Variants in TRIM33 observed in about 807,000 individuals in gnomAD.
TRIM33 encodes E3 ubiquitin-protein ligase TRIM33.
A neutral mutation model predicts 125.4 loss-of-function variants in TRIM33; 20 were observed. That is an observed-to-expected ratio of 0.16 (90% CI 0.11 to 0.23). The LOEUF (loss-of-function observed/expected upper bound fraction) is 0.23, where lower values mean the gene tolerates loss of function less well. Ranked by LOEUF, TRIM33 falls within the 10% of genes least tolerant of loss-of-function variation. The pLI is 1.00. For synonymous variants in TRIM33, 564 were observed against 513.9 expected (o/e 1.10, Z -1.32); for missense variants, 920 against 1,411.4 (o/e 0.65, Z 5.58).
At position 114,463,545 on chromosome 1, in the gene TRIM33, A is replaced by G. The variant is rs1425673345; in HGVS notation, c.657T>C (p.Ser219=). The G allele has an allele frequency of 1.9e-6, 3 of 1,601,138 alleles. No homozygotes were observed. The South Asian group carries it at 3.3e-5, about 18-fold the overall frequency. Residue 219 remains serine (S), a synonymous_variant, in exon 3 of 20, where the codon AGT becomes AGC. Coordinates refer to ENST00000358465, the MANE Select transcript of TRIM33 (RefSeq NM_015906.4). ...CAACTGCACTTGCATTGTCTTCACAACTAGTACATACCTAAAAGAAGAAAT... is the reference window on the plus strand; with the variant it reads ...CAACTGCACTTGCATTGTCTTCACAGCTAGTACATACCTAAAAGAAGAAAT... ...SDEKSEQVCT[S]CEDNASAVGF... is the part of the protein sequence containing the mutation.
chr1:114,412,809 AT>A (rs1354274275), intron 11 of TRIM33, among the ~76,000 whole-genome samples: 1 of 152,220 alleles, frequency 6.6e-6, no homozygotes, highest in Non-Finnish European at 1.5e-5. Context: ...CAAAGCTGCT[AT>A]AAACATTTGA....
chr1:114,500,665 C>T (rs1287117063), intron 1 of TRIM33, among the ~76,000 whole-genome samples: 1 of 147,976 alleles, frequency 6.8e-6, no homozygotes. Context: ...TGAAGATGAC[C>T]AAGGTATACG....
At chr1:114,482,868 C>T (rs758174110) in intron 1 of TRIM33, among the ~76,000 whole-genome samples, 18 of 152,168 alleles carry the variant, frequency 1.2e-4, no homozygotes, top group Non-Finnish European at 2.9e-5. Context: ...TCCCCAGAAG[C>T]AGAAGCCTGC....
intron 1 of TRIM33, among the ~76,000 whole-genome samples, chr1:114,481,135 T>G (rs1481912143): frequency 6.6e-6 from 1 of 151,930 alleles, no homozygotes; most frequent in Non-Finnish European, 1.5e-5. Context: ...ATCACGCCAC[T>G]GCACTGCAGC....
At chr1:114,491,060 G>A (rs1364899554) in intron 1 of TRIM33, among the ~76,000 whole-genome samples, 1 of 152,114 alleles carries the variant, frequency 6.6e-6, no homozygotes, top group East Asian at 1.9e-4. Context: ...TTTCTTTTGG[G>A]AGTAATAAAA....
chr1:114,430,495 G>A (rs1268075283), intron 6 of TRIM33, among the ~76,000 whole-genome samples: 3 of 152,050 alleles, frequency 2.0e-5, no homozygotes, highest in African/African-American at 7.2e-5. Flanking sequence ...GTCTGCCTTG[G>A]GCTCCCAAAG....
At chr1:114,503,008 A>C (rs1213452416) in intron 1 of TRIM33, among the ~76,000 whole-genome samples, 2 of 152,262 alleles carry the variant, frequency 1.3e-5, no homozygotes, top group Non-Finnish European at 2.9e-5. Context: ...ATCTGGCTTC[A>C]TACAGCTAAG....
rs777314434 is a variant in TRIM33, at chr1:114,401,403, G to A, written c.2953C>T (p.Pro985Ser). 6.2e-7 allele frequency: 1 copy of A among 1,612,300 alleles called. No homozygotes were observed. The stretch of plus-strand genomic sequence containing the variant: ...AGGCAACTCACCGAAGCAGGAACAG[G>A]CTCCTGGAATTCAATACTTAATTCA... The part of the protein sequence containing the change: ...CHELSIEFQE[P>S]VPASIPNYYK... Residue 985 changes from proline (P) to serine (S), a missense_variant, in exon 17 of 20, where the codon CCT (proline) becomes TCT (serine). By Grantham distance (74) the Pro-to-Ser change is moderately conservative (BLOSUM62 -1). This residue lies in a region of TRIM33 where 122 missense variants were observed against 236.8 expected (regional missense o/e 0.52). Coordinates refer to ENST00000358465, the MANE Select transcript of TRIM33 (RefSeq NM_015906.4).
intron 1 of TRIM33, among the ~76,000 whole-genome samples, chr1:114,465,914 G>C (rs190701073): frequency 6.6e-6 from 1 of 151,966 alleles, no homozygotes; most frequent in East Asian, 1.9e-4. Flanking sequence ...GTGGTGGCAC[G>C]CGCCTGTATT....
chr1:114,450,325 GTTGTTTTGTT>G (rs200362890), intron 4 of TRIM33, among the ~76,000 whole-genome samples: 1 of 152,020 alleles, frequency 6.6e-6, no homozygotes. Flanking sequence ...TAACAATCCT[GTTGTTTTGTT>G]TTGTTTTGTT....
Position 114,427,865 on chromosome 1 carries a change from T to C in TRIM33, c.1185A>G (p.Leu395=). The change falls in exon 7 of 20, where the codon TTA becomes TTG. Residue 395 remains leucine, a synonymous_variant. Coordinates refer to ENST00000358465, the MANE Select transcript of TRIM33 (RefSeq NM_015906.4). ...CTGTGATGTCATTCTGCTGCTGTAG[T>C]AACTTCATCTGTCTTTCCTTTGTAA... ...ENVTKERQMK[L]LQQQNDITGL... 6.2e-7 allele frequency: 1 copy of C among 1,614,144 alleles called. No homozygotes were observed.
intron 1 of TRIM33, among the ~76,000 whole-genome samples, chr1:114,485,686 T>C (rs1570646551): frequency 6.6e-6 from 1 of 152,186 alleles, no homozygotes; most frequent in East Asian, 1.9e-4. Flanking sequence ...CACTCCACTT[T>C]TGCCAGGGTG....
At chr1:114,504,447 C>G (rs1003197565) in intron 1 of TRIM33, among the ~76,000 whole-genome samples, 3 of 152,234 alleles carry the variant, frequency 2.0e-5, no homozygotes, top group Admixed American at 6.5e-5. Context: ...CACTCACCAT[C>G]TTAATTCACG....
chr1:114,487,704 T>C, intron 1 of TRIM33, among the ~76,000 whole-genome samples: 1 of 150,326 alleles, frequency 6.7e-6, no homozygotes, highest in Non-Finnish European at 1.5e-5. Flanking sequence ...GAGACCATCC[T>C]GGCTAACAAG....
chr1:114,425,580 G>T lies in TRIM33; in HGVS notation c.1564C>A (p.Gln522Lys). ...AQLRLQHMQQ[Q>K]VYAQKHQQLQ... is the part of the protein sequence containing the mutation. ...TGCTGATGTTTCTGTGCATATACTT[G>T]TTGTTGCATGTGCTGGAGTCGAAGC... is the stretch of plus-strand genomic sequence containing the variant. Residue 522 changes from glutamine (Q) to lysine (K), a missense_variant, in exon 9 of 20, where the codon CAA becomes AAA. By Grantham distance (53) the Gln-to-Lys change is moderately conservative. Around this residue, in one of 8 missense-constraint regions of TRIM33, gnomAD observed 407 missense variants for 589.7 expected, o/e 0.69. Coordinates refer to ENST00000358465, the MANE Select transcript of TRIM33 (RefSeq NM_015906.4). 1 of 1,614,106 alleles carries T rather than the reference G, an allele frequency of 6.2e-7. No individual in the cohort carries two copies. The highest frequency in any genetic ancestry group is 1.1e-5 in the South Asian group (1 of 91,076).
At chr1:114,432,536 C>T (rs181768031) in intron 5 of TRIM33, among the ~76,000 whole-genome samples, 200 of 152,290 alleles carry the variant, frequency 1.3e-3, no homozygotes, top group Non-Finnish European at 2.6e-3. Context: ...CCTATAATCC[C>T]AGCACTTTGG....
Position 114,462,540 on chromosome 1 carries a change from T to G in TRIM33, c.923+564A>C, listed in dbSNP as rs532433558. ...GGAGAAATTTACTGAAGGATATTGT[T>G]ACACAACTGACTAGAAATTTTTGTA... On this transcript the variant is annotated intron_variant, in intron 4 of 19. Transcript: ENST00000358465. Among the ~76,000 whole-genome samples the G allele has an allele frequency of 6.6e-5, 10 of 152,304 alleles. No individual in the cohort carries two copies. The South Asian group carries it at 1.9e-3, about 28-fold the overall frequency.
intron 1 of TRIM33, among the ~76,000 whole-genome samples, chr1:114,469,823 C>T (rs1221719849): frequency 6.6e-6 from 1 of 151,754 alleles, no homozygotes; most frequent in Non-Finnish European, 1.5e-5. Context: ...AATGACCTGT[C>T]AATAGAGGGA....
chr1:114,397,024 A>C lies in TRIM33; in HGVS notation c.*624T>G, dbSNP rs1651572908. ...TGATAACTAGTGGTAGTGTTTCCTA[A>C]ACCCTAAGTATGAGTAGAAAATAAA... On this transcript the variant is annotated 3_prime_UTR_variant, in exon 20 of 20. Transcript: ENST00000358465. 1 of 219,356 alleles carries C rather than the reference A, an allele frequency of 4.6e-6. No homozygotes were observed. Among genetic ancestry groups the C allele is most frequent in the South Asian group, 1.8e-4 (1 of 5,436 alleles). The allele number at this position is 219,356 out of a possible 1,614,324, so 13.6% of individuals were successfully genotyped here. A position where few individuals can be genotyped will look rare whatever the true frequency, so the allele number is the denominator to read the frequency against.
Sources: gnomAD v4.1 joint callset for allele counts (sites outside exome capture counted in the v4.1 genomes callset) on GRCh38, gnomAD v4.1.1 for gene constraint, gnomAD v4.1.1 regional missense constraint, MANE v1.5 for transcripts, NCBI Gene and HGNC (gene_info 2026-07-23, HGNC 2026-07-21) for gene names.